Variants in ASB4 observed in about 807,000 individuals in gnomAD.
The protein encoded by ASB4 is ankyrin repeat and SOCS box containing 4.
In ASB4, 35 loss-of-function variants were observed where a neutral mutation model predicts 38.6. That is an observed-to-expected ratio of 0.91 (90% confidence interval 0.69 to 1.20). The LOEUF (loss-of-function observed/expected upper bound fraction) is 1.20, where lower values mean the gene tolerates loss of function less well. ASB4 is among the 50% of genes most tolerant of loss of function. ASB4 has a pLI of 0.00. For missense variants in ASB4, 557 were observed against 527.2 expected, an observed-to-expected ratio of 1.06 and a Z score of -0.55; for synonymous variants, 195 against 201.3, an observed-to-expected ratio of 0.97 and a Z score of 0.26.
At chr7:95,550,673 C>A in the ASB4 span, among the ~76,000 whole-genome samples, 23 of 152,244 alleles carry the variant, frequency 1.5e-4, no homozygotes, top group African/African-American at 5.3e-4. Context: ...AGACTCAGGC[C>A]GTGGATCTTT....
intron 2 of ASB4, among the ~76,000 whole-genome samples, chr7:95,514,841 G>A (rs939265236): frequency 6.6e-6 from 1 of 152,240 alleles, no homozygotes; most frequent in Non-Finnish European, 1.5e-5. Flanking sequence ...TCCATCCAAA[G>A]TGTGAAGGGG....
intron 1 of ASB4, among the ~76,000 whole-genome samples, chr7:95,493,551 A>G (rs1790204525): frequency 6.6e-6 from 1 of 152,134 alleles, no homozygotes; most frequent in Non-Finnish European, 1.5e-5. Context: ...ACAGAGAGAC[A>G]ATAGCTTATT....
At chr7:95,498,717 T>C (rs1790287801) in intron 2 of ASB4, among the ~76,000 whole-genome samples, 1 of 152,192 alleles carries the variant, frequency 6.6e-6, no homozygotes, top group Non-Finnish European at 1.5e-5. Context: ...ATTTACCAAT[T>C]TTTTTCCTCC....
At chr7:95,541,993 C>A (rs917736425), downstream of ASB4, among the ~76,000 whole-genome samples, 1 of 151,868 alleles carries the variant, frequency 6.6e-6, no homozygotes, top group Non-Finnish European at 1.5e-5. Context: ...CTTGAGCCCA[C>A]GAGTTCAAGT....
At chr7:95,515,626 G>C (rs543161274) in intron 2 of ASB4, among the ~76,000 whole-genome samples, 31 of 152,192 alleles carry the variant, frequency 2.0e-4, no homozygotes, top group African/African-American at 7.5e-4. Context: ...ATGTTGACCA[G>C]GATGGTCTCA....
intron 3 of ASB4, among the ~76,000 whole-genome samples, chr7:95,536,116 AATCT>A (rs1275683269): frequency 1.3e-5 from 2 of 152,164 alleles, no homozygotes; most frequent in East Asian, 3.9e-4. Context: ...TGATTTTATT[AATCT>A]ATCTATTTGC....
the ASB4 span, among the ~76,000 whole-genome samples, chr7:95,551,124 G>A: frequency 6.6e-6 from 1 of 152,204 alleles, no homozygotes; most frequent in East Asian, 1.9e-4. Flanking sequence ...GGGACTACAA[G>A]CGCATGCCAC....
intron 1 of ASB4, among the ~76,000 whole-genome samples, chr7:95,479,111 G>T (rs916523518): frequency 6.6e-6 from 1 of 152,208 alleles, no homozygotes; most frequent in Non-Finnish European, 1.5e-5. Context: ...CCTAAAGGCT[G>T]AGGAGTGTGT....
chr7:95,534,388 C>G (rs1790860229), intron 3 of ASB4, among the ~76,000 whole-genome samples: 1 of 151,996 alleles, frequency 6.6e-6, no homozygotes, highest in South Asian at 2.1e-4. Context: ...TCTGTCCATC[C>G]CAGATTAGTA....
At chr7:95,519,143 G>T (rs1790625371) in intron 2 of ASB4, among the ~76,000 whole-genome samples, 1 of 152,106 alleles carries the variant, frequency 6.6e-6, no homozygotes. Flanking sequence ...AGACACAAGA[G>T]AATATATTTG....
the ASB4 span, among the ~76,000 whole-genome samples, chr7:95,471,595 A>C: frequency 6.6e-6 from 1 of 152,178 alleles, no homozygotes; most frequent in African/African-American, 2.4e-5. Context: ...GTATGTATCT[A>C]AACTCATTTG....
chr7:95,520,856 A>C (rs1790652726), intron 2 of ASB4, among the ~76,000 whole-genome samples: 2 of 152,026 alleles, frequency 1.3e-5, no homozygotes, highest in Admixed American at 1.3e-4. Context: ...CATTATTTTA[A>C]TTAGTTTGCT....
intron 3 of ASB4, among the ~76,000 whole-genome samples, chr7:95,535,074 G>A (rs1790872141): frequency 6.6e-6 from 1 of 151,898 alleles, no homozygotes; most frequent in South Asian, 2.1e-4. Context: ...ACATGCACAT[G>A]CACACACATG....
At position 95,486,215 on chromosome 7, in the gene ASB4, C is replaced by G. The variant is rs997106054; in HGVS notation, c.187+57C>G. On this transcript the variant is annotated intron_variant, in intron 1 of 4. Coordinates refer to ENST00000325885, the MANE Select transcript of ASB4 (RefSeq NM_016116.3). ...TTAGAAAATGATTTAAAAAAATGCA[C>G]AGTGTCAGTTATCCACTCTAAACAG... 2.1e-6 allele frequency: 3 copies of G among 1,403,034 alleles called. No individual in the cohort carries two copies. In the African/African-American group the frequency reaches 4.3e-5, roughly 20 times the overall value. 86.9% of individuals were successfully genotyped at this position (1,403,034 alleles called of 1,614,324 possible).
chr7:95,528,414 C>G (rs756653086), intron 3 of ASB4, 111 bp downstream of exon 3: 1 of 1,552,524 alleles, frequency 6.4e-7, no homozygotes, highest in Non-Finnish European at 8.7e-7. Context: ...GGCTAACTAC[C>G]TCTGATCCTC....
intron 2 of ASB4, among the ~76,000 whole-genome samples, chr7:95,509,074 A>T (rs182530503): frequency 1.3e-5 from 2 of 152,310 alleles, no homozygotes; most frequent in Non-Finnish European, 1.5e-5. Context: ...TGGGTGGGTC[A>T]TTCATGTGGT....
intron 3 of ASB4, among the ~76,000 whole-genome samples, chr7:95,529,648 T>C (rs985026451): frequency 6.6e-6 from 1 of 152,164 alleles, no homozygotes; most frequent in African/African-American, 2.4e-5. Context: ...TTTAAAAAAT[T>C]ATATGTAAAG....
chr7:95,497,679 G>A (rs1790271386), intron 2 of ASB4, among the ~76,000 whole-genome samples: 1 of 152,130 alleles, frequency 6.6e-6, no homozygotes. Context: ...GATGCCCTTT[G>A]TAGTTAGTCC....
intron 1 of ASB4, 46 bp from the exon 2 acceptor site, chr7:95,495,712 G>C (rs778250717): frequency 2.0e-5 from 31 of 1,534,306 alleles, no homozygotes; most frequent in Non-Finnish European, 2.5e-5. Context: ...AGAAAGCCTA[G>C]GTCAAGAAGT....
Sources: gnomAD v4.1 joint callset for allele counts (sites outside exome capture counted in the v4.1 genomes callset) on GRCh38, gnomAD v4.1.1 for gene constraint, MANE v1.5 for transcripts, NCBI Gene and HGNC (gene_info 2026-07-23, HGNC 2026-07-21) for gene names.